ME3: variants seen among roughly 807,000 people sequenced by gnomAD.
The protein encoded by ME3 is NADP-dependent malic enzyme, mitochondrial.
A neutral mutation model predicts 68.9 loss-of-function variants in ME3; 48 were observed. The ratio of observed to expected loss-of-function variants is 0.70; its 90% CI spans 0.55 to 0.89. ME3 has a LOEUF of 0.89. Ranked by LOEUF, ME3 falls within the 40% of genes least tolerant of loss-of-function variation. The pLI is 0.00. For synonymous variants in ME3, 320 were observed against 318.8 expected (o/e 1.00, Z -0.04); for missense variants, 675 against 797.4 (o/e 0.85, Z 1.85).
intron 2 of ME3, among the ~76,000 whole-genome samples, chr11:86,575,789 G>T (rs1458185303): frequency 6.6e-6 from 1 of 152,168 alleles, no homozygotes; most frequent in African/African-American, 2.4e-5. Flanking sequence ...TTTTGCAACC[G>T]CAATACAATG....
chr11:86,448,945 A>G (rs758002723), intron 10 of ME3, among the ~76,000 whole-genome samples: 4 of 152,162 alleles, frequency 2.6e-5, no homozygotes, highest in Non-Finnish European at 5.9e-5. Context: ...ATGTTGAAAG[A>G]TGGATAAGAG....
chr11:86,559,552 G>T, intron 3 of ME3, 138 bp downstream of exon 3: 1 of 1,040,540 alleles, frequency 9.6e-7, no homozygotes, highest in Non-Finnish European at 1.4e-6. Context: ...TCCTTTAGAA[G>T]GTAGGGCTGA....
intron 7 of ME3, among the ~76,000 whole-genome samples, chr11:86,481,171 A>G (rs116697544): frequency 0.027 from 4,122 of 150,320 alleles, 69 homozygotes; most frequent in Middle Eastern, 0.035. Context: ...CTTTCTAAGT[A>G]GCTGGCAATA....
At chr11:86,516,447 G>A (rs977440986) in intron 4 of ME3, among the ~76,000 whole-genome samples, 1 of 152,026 alleles carries the variant, frequency 6.6e-6, no homozygotes, top group African/African-American at 2.4e-5. Flanking sequence ...GAGTACAGTG[G>A]CATGATCTCT....
intron 4 of ME3, among the ~76,000 whole-genome samples, chr11:86,521,979 G>A (rs1954347347): frequency 6.6e-6 from 1 of 152,204 alleles, no homozygotes. Context: ...GCCGGGCATG[G>A]TGACTCATAC....
chr11:86,496,405 C>CAAAAG (rs61497313), intron 6 of ME3, among the ~76,000 whole-genome samples: 262 of 149,646 alleles, frequency 1.8e-3, no homozygotes, highest in East Asian at 9.8e-3. Flanking sequence ...GAGTCTGTCT[C>CAAAAG]AAAAGAAAAG....
chr11:86,625,301 C>T (rs924375399), intron 2 of ME3, among the ~76,000 whole-genome samples: 1 of 151,812 alleles, frequency 6.6e-6, no homozygotes, highest in Non-Finnish European at 1.5e-5. Flanking sequence ...TTCCACGCAG[C>T]AAGATCTAAG....
At chr11:86,565,586 A>C (rs1206515928) in intron 2 of ME3, among the ~76,000 whole-genome samples, 1 of 152,264 alleles carries the variant, frequency 6.6e-6, no homozygotes, top group African/African-American at 2.4e-5. Context: ...TTCATGGATG[A>C]ACCTTGAAAA....
chr11:86,495,726 A>G (rs553417014), intron 6 of ME3, among the ~76,000 whole-genome samples: 1 of 152,320 alleles, frequency 6.6e-6, no homozygotes, highest in Non-Finnish European at 1.5e-5. Context: ...TAAAGCATGT[A>G]TCCATATCTA....
At chr11:86,514,748 TA>T (rs1478520670) in intron 4 of ME3, among the ~76,000 whole-genome samples, 14 of 152,228 alleles carry the variant, frequency 9.2e-5, no homozygotes, top group Non-Finnish European at 1.9e-4. Flanking sequence ...ACTTATTTGT[TA>T]CAATGATTAA....
rs145703645 is a variant in ME3, at chr11:86,635,325, G to A, written c.183+36437C>T. On this transcript the variant is annotated intron_variant, in intron 2 of 14. Transcript: ENST00000543262. ...TGAGGAAGGGCCACGTGAGGACGCCGTGAGAATGTGGCTGTCTGCAAGCCA... is the reference window on the plus strand; with the variant it reads ...TGAGGAAGGGCCACGTGAGGACGCCATGAGAATGTGGCTGTCTGCAAGCCA... Among the ~76,000 whole-genome samples the A allele has an allele frequency of 1.7e-3, 259 of 152,294 alleles. 1 individual carries two copies. Among genetic ancestry groups the A allele is most frequent in the Non-Finnish European group, 3.0e-3 (206 of 68,030 alleles).
intron 2 of ME3, among the ~76,000 whole-genome samples, chr11:86,569,734 A>T (rs1348643458): frequency 2.0e-5 from 3 of 152,110 alleles, no homozygotes; most frequent in Non-Finnish European, 4.4e-5. Flanking sequence ...CTCCGGCAGG[A>T]AGGTATGATG....
chr11:86,498,217 G>A (rs1261938728), intron 5 of ME3, 93 bp from the exon 6 acceptor site: 6 of 1,424,114 alleles, frequency 4.2e-6, no homozygotes, highest in Middle Eastern at 1.8e-4. Flanking sequence ...CTTGGCGACT[G>A]GATGCCCACT....
At chr11:86,572,234 C>A (rs1957838581) in intron 2 of ME3, among the ~76,000 whole-genome samples, 1 of 151,786 alleles carries the variant, frequency 6.6e-6, no homozygotes, top group African/African-American at 2.4e-5. Context: ...TGTATGAAGG[C>A]TCTTACTTGC....
At chr11:86,550,883 G>A (rs1956634612) in intron 4 of ME3, among the ~76,000 whole-genome samples, 1 of 152,012 alleles carries the variant, frequency 6.6e-6, no homozygotes, top group South Asian at 2.1e-4. Context: ...GGCATTCATT[G>A]GTCTTGTGTA....
rs1267531542 is a variant in ME3, at chr11:86,456,187, C to T, written c.920-5789G>A. On this transcript the variant is annotated intron_variant, in intron 8 of 14. Transcript: ENST00000543262. ...CTCTAGGTGAGGTACTAGTTTCCTGCCATTGGCTAGCGGGAGTTTTCTGCT... is the reference window on the plus strand; with the variant it reads ...CTCTAGGTGAGGTACTAGTTTCCTGTCATTGGCTAGCGGGAGTTTTCTGCT... Among the ~76,000 whole-genome samples the T allele has an allele frequency of 5.3e-5, 8 of 152,170 alleles. No individual in the cohort carries two copies. The East Asian group carries it at 1.4e-3, about 26-fold the overall frequency.
chr11:86,596,360 G>T (rs1445211848), intron 2 of ME3, among the ~76,000 whole-genome samples: 1 of 152,148 alleles, frequency 6.6e-6, no homozygotes, highest in African/African-American at 2.4e-5. Flanking sequence ...TATCCTACTT[G>T]TACAATTTTA....
At chr11:86,562,924 T>C (rs1957308014) in intron 2 of ME3, among the ~76,000 whole-genome samples, 1 of 152,110 alleles carries the variant, frequency 6.6e-6, no homozygotes, top group East Asian at 1.9e-4. Context: ...CATGTGGTAT[T>C]TGGATTTCTG....
chr11:86,669,353 A>ATAATTAG (rs1946773735), intron 2 of ME3, among the ~76,000 whole-genome samples: 1 of 152,180 alleles, frequency 6.6e-6, no homozygotes, highest in South Asian at 2.1e-4. Flanking sequence ...TATGGATAAC[A>ATAATTAG]CCTGTATTAG....
Sources: allele counts gnomAD v4.1 joint callset (sites outside exome capture counted in the v4.1 genomes callset), GRCh38; gene constraint gnomAD v4.1.1; transcripts MANE v1.5; gene names NCBI Gene and HGNC (gene_info 2026-07-23, HGNC 2026-07-21).